The following SIK3 variants were observed in gnomAD, a reference collection of about 807,000 sequenced individuals.
SIK3 encodes the protein serine/threonine-protein kinase SIK3.
Under a neutral mutation model 144.2 loss-of-function variants are expected in SIK3, and 28 were observed. The observed-to-expected ratio is 0.19, with a 90% confidence interval of 0.14 to 0.27. The LOEUF is 0.27. Among genes scored for constraint, SIK3 ranks in the 10% least tolerant of loss-of-function variants. The pLI, the probability that SIK3 is intolerant of heterozygous loss-of-function variation, is 1.00. For missense variants in SIK3, 1,319 were observed against 1,776.0 expected, an observed-to-expected ratio of 0.74 and a Z score of 4.62; for synonymous variants, 686 against 676.3, an observed-to-expected ratio of 1.01 and a Z score of -0.22.
chr11:116,917,751 G>A (rs902278633), intron 4 of SIK3, among the ~76,000 whole-genome samples: 1 of 146,634 alleles, frequency 6.8e-6, no homozygotes, highest in African/African-American at 2.6e-5. Context: ...GAGAGAGAGA[G>A]GAAAGAGAGC....
At chr11:116,983,017 T>C (rs1261216571) in intron 1 of SIK3, among the ~76,000 whole-genome samples, 2 of 149,404 alleles carry the variant, frequency 1.3e-5, no homozygotes, top group African/African-American at 2.5e-5. Context: ...ACTATATTAC[T>C]GAAAAAGGAA....
intron 1 of SIK3, among the ~76,000 whole-genome samples, chr11:117,092,249 A>G (rs1355329280): frequency 6.6e-6 from 1 of 152,100 alleles, no homozygotes; most frequent in African/African-American, 2.4e-5. Context: ...TTGTTTGCTA[A>G]GGTACCATGG....
intron 21 of SIK3, chr11:116,855,515 C>A (rs1052693048): frequency 1.3e-5 from 2 of 152,232 alleles, no homozygotes; most frequent in African/African-American, 2.4e-5. Context: ...TTTCTACACA[C>A]ACAAGTCACA....
Position 116,875,939 on chromosome 11 carries a change from T to A in SIK3, c.1166A>T (p.His389Leu), listed in dbSNP as rs376144593. 3.7e-6 allele frequency: 6 copies of A among 1,613,388 alleles called. No homozygotes were observed. Among genetic ancestry groups the A allele is most frequent in the Non-Finnish European group, 5.1e-6 (6 of 1,179,844 alleles). The part of the protein sequence containing the change: ...YSLLCDRHKR[H>L]KTLRLGALPS... ...AAGTGCTCCGAGACGCAGGGTTTTA[T>A]GTCTCTTATGTCGATCACACAGCAG... Residue 389 changes from histidine (H) to leucine (L), a missense_variant, in exon 9 of 25, where the codon CAT becomes CTT. His to Leu is a moderately conservative substitution (Grantham distance 99). Transcript: ENST00000445177.
chr11:116,935,971 A>G (rs2513093), intron 3 of SIK3, among the ~76,000 whole-genome samples: 129,308 of 152,142 alleles, frequency 0.85, 55,573 homozygotes, highest in Non-Finnish European at 0.89. Flanking sequence ...TCATCTAGGT[A>G]TCATAAATAT....
chr11:116,901,250 A>G (rs1945725977), intron 4 of SIK3, among the ~76,000 whole-genome samples: 1 of 152,188 alleles, frequency 6.6e-6, no homozygotes, highest in Non-Finnish European at 1.5e-5. Flanking sequence ...TATTTATCCT[A>G]GTCTCTACAC....
chr11:116,980,007 T>C (rs1950085126), intron 1 of SIK3, among the ~76,000 whole-genome samples: 1 of 152,302 alleles, frequency 6.6e-6, no homozygotes, highest in African/African-American at 2.4e-5. Context: ...TGTACTAAAT[T>C]CTAGAAATTT....
rs1326456656 is a variant in SIK3, at chr11:117,056,486, G to A, written c.273+41657C>T. Among the ~76,000 whole-genome samples, 3 of 142,844 alleles carry A rather than the reference G, an allele frequency of 2.1e-5. No individual in the cohort carries two copies. In the Admixed American group the frequency reaches 2.4e-4, roughly 11 times the overall value. The allele number at this position is 142,844 out of a possible 152,430, so 93.7% of individuals were successfully genotyped here. On this transcript the variant is annotated intron_variant, in intron 1 of 24. Coordinates refer to ENST00000445177, the MANE Select transcript of SIK3 (RefSeq NM_001366686.3). ...ACATGTATACATATGTAACAAACCT[G>A]CACATTGTGCACATGTGCCCTAGAA...
intron 3 of SIK3, 133 bp from the exon 4 acceptor site, chr11:116,927,513 C>T (rs1019886828): frequency 2.8e-6 from 2 of 713,372 alleles, no homozygotes. Flanking sequence ...GAGAACAACA[C>T]ATTGATAGTC....
chr11:116,861,951 A>G, intron 17 of SIK3, 25 bp from the exon 18 acceptor site: 2 of 1,534,302 alleles, frequency 1.3e-6, no homozygotes, highest in Non-Finnish European at 1.8e-6. Flanking sequence ...GGGAAAGGAA[A>G]AAAATTATTG....
chr11:117,092,463 C>G (rs964181412), intron 1 of SIK3, among the ~76,000 whole-genome samples: 3 of 152,128 alleles, frequency 2.0e-5, no homozygotes. Context: ...GGCAGCAGCC[C>G]CCCCCAGGGA....
At chr11:116,987,869 A>C (rs1217270173) in intron 1 of SIK3, among the ~76,000 whole-genome samples, 1 of 152,212 alleles carries the variant, frequency 6.6e-6, no homozygotes, top group East Asian at 1.9e-4. Flanking sequence ...ACACATGCAA[A>C]TACATGTGAA....
At chr11:116,942,857 G>C (rs1354426884) in intron 3 of SIK3, among the ~76,000 whole-genome samples, 1 of 152,120 alleles carries the variant, frequency 6.6e-6, no homozygotes, top group Non-Finnish European at 1.5e-5. Context: ...CAAATAGATG[G>C]GAAAGCCAAC....
intron 3 of SIK3, among the ~76,000 whole-genome samples, chr11:116,938,214 G>C (rs1381836174): frequency 1.1e-5 from 1 of 90,712 alleles, no homozygotes; most frequent in African/African-American, 5.0e-5. Context: ...AGAGGGGAGG[G>C]GAGGGGAGGG....
chr11:116,871,474 T>G (rs971860263), intron 13 of SIK3, among the ~76,000 whole-genome samples: 1 of 152,078 alleles, frequency 6.6e-6, no homozygotes, highest in Non-Finnish European at 1.5e-5. Flanking sequence ...ACTAAGAAGT[T>G]TGAGGAAGAA....
At chr11:116,972,369 A>G (rs570369612) in intron 1 of SIK3, among the ~76,000 whole-genome samples, 2 of 152,330 alleles carry the variant, frequency 1.3e-5, no homozygotes, top group Non-Finnish European at 1.5e-5. Context: ...ATAATTGACT[A>G]ATAAAAGAAT....
chr11:116,999,074 G>A (rs1950766057), intron 1 of SIK3, among the ~76,000 whole-genome samples: 1 of 152,188 alleles, frequency 6.6e-6, no homozygotes, highest in African/African-American at 2.4e-5. Flanking sequence ...ACTAATGAGA[G>A]TGTTTAGTTT....
At chr11:116,861,119 C>T (rs537460508) in intron 19 of SIK3, among the ~76,000 whole-genome samples, 155 bp downstream of exon 19, 3 of 152,182 alleles carry the variant, frequency 2.0e-5, no homozygotes, top group Non-Finnish European at 4.4e-5. Context: ...CTGATGGAAC[C>T]AGGATGCAAA....
intron 1 of SIK3, among the ~76,000 whole-genome samples, chr11:116,999,351 A>AT (rs1423954410): frequency 6.6e-6 from 1 of 152,222 alleles, no homozygotes; most frequent in African/African-American, 2.4e-5. Context: ...GTAAACTTAA[A>AT]TGTCTGACTT....
Sources: allele counts gnomAD v4.1 joint callset (sites outside exome capture counted in the v4.1 genomes callset), GRCh38; gene constraint gnomAD v4.1.1; transcripts MANE v1.5; gene names NCBI Gene and HGNC (gene_info 2026-07-23, HGNC 2026-07-21).